Variants in RGS3 observed in about 807,000 individuals in gnomAD.
RGS3 encodes the protein regulator of G-protein signalling 3.
RGS3 carries 80 observed loss-of-function variants against 132.6 expected under a neutral mutation model. That is an observed-to-expected ratio of 0.60 (90% confidence interval 0.50 to 0.73). The LOEUF (loss-of-function observed/expected upper bound fraction) is 0.73, where lower values mean the gene tolerates loss of function less well. Among genes scored for constraint, RGS3 ranks in the 30% least tolerant of loss-of-function variants. The pLI, the probability that RGS3 is intolerant of heterozygous loss-of-function variation, is 0.00. For missense variants in RGS3, 1,382 were observed against 1,530.8 expected (o/e 0.90, Z 1.62); for synonymous variants, 598 against 620.6 (o/e 0.96, Z 0.54).
chr9:113,453,196 A>T (rs1162096063), intron 1 of RGS3, among the ~76,000 whole-genome samples: 1 of 121,636 alleles, frequency 8.2e-6, no homozygotes, highest in Admixed American at 9.4e-5. Context: ...ATATGATTAC[A>T]TAATATACTC....
At chr9:113,486,785 G>GT (rs1256441878) in intron 7 of RGS3, among the ~76,000 whole-genome samples, 2 of 152,160 alleles carry the variant, frequency 1.3e-5, no homozygotes, top group Non-Finnish European at 2.9e-5. Flanking sequence ...TAGCTAATAT[G>GT]TTTTTTAAAA....
chr9:113,514,512 G>T (rs1480991167), exon 15 of RGS3: 1 of 1,614,172 alleles, frequency 6.2e-7, no homozygotes, highest in South Asian at 1.1e-5. Context: ...AAGAAGTCCC[G>T]GCTGATGAAG....
chr9:113,522,761 G>T lies in RGS3; in HGVS notation c.1759-169G>T, dbSNP rs553998198. 45 of 641,966 alleles carry T rather than the reference G, an allele frequency of 7.0e-5. No individual in the cohort carries two copies. The African/African-American group carries it at 7.4e-4, about 11-fold the overall frequency. 39.8% of individuals were successfully genotyped at this position (641,966 alleles called of 1,614,324 possible). On this transcript the variant is annotated intron_variant, in intron 16 of 24. Coordinates refer to ENST00000350696, the Ensembl canonical transcript of RGS3. ...TGGGGCCATCTTGACTGCAGGTCAG[G>T]ACTGCCCTTGGCTGAGGCTGTACTG...
chr9:113,461,187 T>C (rs145481744), intron 1 of RGS3, among the ~76,000 whole-genome samples: 284 of 152,260 alleles, frequency 1.9e-3, no homozygotes, highest in African/African-American at 6.5e-3. Context: ...GTATGATTGT[T>C]ATCGTGTGTG....
intron 11 of RGS3, 132 bp downstream of exon 9, chr9:113,505,655 A>G (rs1831097271): frequency 1.4e-6 from 1 of 693,682 alleles, no homozygotes; most frequent in African/African-American, 1.8e-5. Flanking sequence ...TGAAAAGAAT[A>G]ATATTTTTAA....
exon 6 of RGS3, chr9:113,484,158 T>C (rs1016765415): frequency 1.2e-6 from 2 of 1,610,908 alleles, no homozygotes; most frequent in Admixed American, 1.7e-5. Flanking sequence ...TCCCTGAAGA[T>C]AGTAGACTAC....
chr9:113,564,660 C>T (rs1335677230), intron 19 of RGS3, among the ~76,000 whole-genome samples: 1 of 152,192 alleles, frequency 6.6e-6, no homozygotes, highest in Non-Finnish European at 1.5e-5. Context: ...GCCAATATTA[C>T]TGTAACAGGA....
At chr9:113,482,916 A>C in intron 4 of RGS3, 143 bp from the exon 3 acceptor site, 1 of 1,521,756 alleles carries the variant, frequency 6.6e-7, no homozygotes, top group Non-Finnish European at 8.8e-7. Flanking sequence ...AGCAGGGGCC[A>C]TAGCCCTGCT....
intron 3 of RGS3, among the ~76,000 whole-genome samples, chr9:113,477,506 C>T (rs1830030690): frequency 6.6e-6 from 1 of 152,180 alleles, no homozygotes; most frequent in Admixed American, 6.5e-5. Context: ...TTCTCCAAAC[C>T]TGTTCTCTAA....
chr9:113,456,479 A>G (rs1400290590), upstream of RGS3, among the ~76,000 whole-genome samples: 1 of 152,126 alleles, frequency 6.6e-6, no homozygotes, highest in Non-Finnish European at 1.5e-5. Flanking sequence ...CTTGCATTCC[A>G]TCTTCTACTC....
chr9:113,573,755 G>A (rs10981830), intron 19 of RGS3, among the ~76,000 whole-genome samples: 27,760 of 152,094 alleles, frequency 0.18, 2,639 homozygotes, highest in African/African-American at 0.21. Flanking sequence ...CTGCCCCTCA[G>A]TCTCCAACCA....
intron 1 of RGS3, among the ~76,000 whole-genome samples, chr9:113,453,807 A>AAT (rs779283121): frequency 9.0e-5 from 13 of 144,846 alleles, no homozygotes; most frequent in East Asian, 5.8e-4. Flanking sequence ...TAATATAATA[A>AAT]ATATATATAT....
At chr9:113,561,390 C>T (rs1040239344) in intron 19 of RGS3, among the ~76,000 whole-genome samples, 7 of 149,090 alleles carry the variant, frequency 4.7e-5, no homozygotes, top group African/African-American at 1.5e-4. Context: ...TTTCTTCTCC[C>T]CCTCTTTCTG....
intron 16 of RGS3, 81 bp from the exon 15 acceptor site, chr9:113,522,849 C>A: frequency 1.1e-6 from 1 of 896,062 alleles, no homozygotes; most frequent in South Asian, 1.3e-5. Flanking sequence ...CTGTGGCTCC[C>A]CACCTTCTCG....
chr9:113,498,094 A>G lies in RGS3; in HGVS notation c.897+14A>G. The G allele has an allele frequency of 6.2e-7, 1 of 1,613,230 alleles. No homozygotes were observed. Among genetic ancestry groups the G allele is most frequent in the Admixed American group, 1.7e-5 (1 of 60,010 alleles). ...AAGAAACTAAAGGTAGGTGGGGACA[A>G]GCTAGGGCATTGCTCCAGGAGCTGG... On this transcript the variant is annotated intron_variant, in intron 10 of 24. Coordinates refer to ENST00000350696, the Ensembl canonical transcript of RGS3.
chr9:113,550,209 C>A (rs1471459305), intron 19 of RGS3, among the ~76,000 whole-genome samples: 1 of 152,054 alleles, frequency 6.6e-6, no homozygotes, highest in Non-Finnish European at 1.5e-5. Flanking sequence ...CCAAAAAATA[C>A]AAAATTAGCC....
chr9:113,574,047 T>C (rs997291614), intron 19 of RGS3, among the ~76,000 whole-genome samples: 1 of 152,210 alleles, frequency 6.6e-6, no homozygotes, highest in African/African-American at 2.4e-5. Context: ...ACTGATCTCA[T>C]AGGATTGTTG....
chr9:113,447,393 G>A (rs575832747), intron 1 of RGS3, among the ~76,000 whole-genome samples: 2 of 110,254 alleles, frequency 1.8e-5, no homozygotes, highest in African/African-American at 6.4e-5. Flanking sequence ...AGGTAGAAAT[G>A]TCTACTTTAT....
chr9:113,470,734 G>A (rs1277257801), intron 3 of RGS3, among the ~76,000 whole-genome samples: 1 of 152,202 alleles, frequency 6.6e-6, no homozygotes, highest in East Asian at 1.9e-4. Flanking sequence ...GGAGGCCAAG[G>A]CAGGAGGATC....
Sources: gnomAD v4.1 joint callset for allele counts (sites outside exome capture counted in the v4.1 genomes callset) on GRCh38, gnomAD v4.1.1 for gene constraint, MANE v1.5 for transcripts, NCBI Gene and HGNC (gene_info 2026-07-23, HGNC 2026-07-21) for gene names.